THSD7B: variants seen among roughly 807,000 people sequenced by gnomAD.
The protein encoded by THSD7B is thrombospondin type-1 domain-containing protein 7B.
Under a neutral mutation model 213.6 loss-of-function variants are expected in THSD7B, and 138 were observed. That is an observed-to-expected ratio of 0.65 (90% CI 0.56 to 0.74). The LOEUF is 0.74. Among genes scored for constraint, THSD7B ranks in the 30% least tolerant of loss-of-function variants. The pLI is 0.00. For missense variants in THSD7B, 1,931 were observed against 1,991.5 expected (o/e 0.97, Z 0.58); for synonymous variants, 742 against 687.0 (o/e 1.08, Z -1.25).
At chr2:137,025,447 A>G (rs527475382) in intron 2 of THSD7B, among the ~76,000 whole-genome samples, 6 of 152,224 alleles carry the variant, frequency 3.9e-5, no homozygotes, top group African/African-American at 1.4e-4. Flanking sequence ...CACTGTTTGG[A>G]ATCTTATGTG....
intron 14 of THSD7B, among the ~76,000 whole-genome samples, chr2:137,430,991 A>G (rs1448661471): frequency 2.0e-5 from 3 of 152,208 alleles, no homozygotes; most frequent in Non-Finnish European, 4.4e-5. Flanking sequence ...AACAATTATT[A>G]GTGTCGACAA....
Position 137,312,927 on chromosome 2 carries a change from G to C in THSD7B, c.2500+36901G>C, listed in dbSNP as rs561724701. 9.1e-4 allele frequency among the ~76,000 whole-genome samples: 136 copies of C among 149,996 alleles called. 2 individuals are homozygous for C. The South Asian group carries it at 0.014, about 15-fold the overall frequency. Reference sequence around the variant, plus strand: ...TTGCTGAGGAGAGCTTTACTTCCAAGTATGTGGTCAATTTTGGAATAGGTG... The same window carrying C: ...TTGCTGAGGAGAGCTTTACTTCCAACTATGTGGTCAATTTTGGAATAGGTG... On this transcript the variant is annotated intron_variant, in intron 12 of 27. Coordinates refer to ENST00000409968, the MANE Select transcript of THSD7B (RefSeq NM_001316349.2).
intron 12 of THSD7B, among the ~76,000 whole-genome samples, chr2:137,293,887 A>G (rs1023643608): frequency 7.2e-5 from 11 of 152,126 alleles, no homozygotes; most frequent in African/African-American, 2.7e-4. Context: ...TATGTCTTTA[A>G]TATTTTATAA....
At chr2:136,931,731 A>G (rs751919878) in intron 2 of THSD7B, among the ~76,000 whole-genome samples, 18 of 152,310 alleles carry the variant, frequency 1.2e-4, no homozygotes, top group Admixed American at 3.3e-4. Flanking sequence ...ACAGTCCATG[A>G]TACATTCTAC....
intron 15 of THSD7B, among the ~76,000 whole-genome samples, chr2:137,470,414 G>A (rs1688070046): frequency 6.6e-6 from 1 of 152,224 alleles, no homozygotes; most frequent in Non-Finnish European, 1.5e-5. Flanking sequence ...GGGTGGTTGA[G>A]CTCCTCAGCT....
At chr2:137,552,445 C>T (rs1680867676) in intron 15 of THSD7B, among the ~76,000 whole-genome samples, 1 of 152,118 alleles carries the variant, frequency 6.6e-6, no homozygotes, top group Non-Finnish European at 1.5e-5. Context: ...ATTAGCTTCC[C>T]TCAAATTTCA....
chr2:136,881,058 G>A (rs528164409), intron 1 of THSD7B, among the ~76,000 whole-genome samples: 67 of 152,028 alleles, frequency 4.4e-4, no homozygotes, highest in Non-Finnish European at 7.9e-4. Flanking sequence ...AACACAAAAC[G>A]CATTTCAACG....
chr2:137,272,515 CT>C lies in THSD7B; in HGVS notation c.2267-13del. The C allele has an allele frequency of 1.9e-6, 3 of 1,589,018 alleles. No homozygotes were observed. The highest frequency in any genetic ancestry group is 2.6e-6 in the Non-Finnish European group (3 of 1,172,382). ...ACATAAAAGGGCACTATATAATTTT[CT>C]TTTTCCTTTACTTCAGGAAATGCCA... On this transcript the variant is annotated splice_polypyrimidine_tract_variant and intron_variant, in intron 10 of 27. Transcript: ENST00000409968.
chr2:137,394,735 C>G (rs1322411147), intron 12 of THSD7B, among the ~76,000 whole-genome samples: 827 of 118,652 alleles, frequency 7.0e-3, no homozygotes, highest in Admixed American at 0.011. Context: ...GGCATTGAAT[C>G]TGTAAATTAC....
Position 137,543,464 on chromosome 2 carries a change from T to C in THSD7B, c.3139-19757T>C, listed in dbSNP as rs183442954. Among the ~76,000 whole-genome samples, 332 of 151,946 alleles carry C rather than the reference T, an allele frequency of 2.2e-3. 2 individuals are homozygous for C. Among genetic ancestry groups the C allele is most frequent in the Non-Finnish European group, 3.5e-3 (237 of 67,836 alleles). ...GAATTTAGACCACTCCCTCATATCATATGAAGACAGTTATTTAGCTGGATT... is the reference window on the plus strand; with the variant it reads ...GAATTTAGACCACTCCCTCATATCACATGAAGACAGTTATTTAGCTGGATT... On this transcript the variant is annotated intron_variant, in intron 15 of 27. Transcript: ENST00000409968.
chr2:137,398,450 G>C (rs1423898736), intron 12 of THSD7B, among the ~76,000 whole-genome samples: 2 of 151,496 alleles, frequency 1.3e-5, no homozygotes, highest in Non-Finnish European at 2.9e-5. Flanking sequence ...GCCCCTGCTG[G>C]GGGGTGCCTC....
At chr2:137,131,017 T>G (rs1202492309) in intron 5 of THSD7B, among the ~76,000 whole-genome samples, 1 of 149,584 alleles carries the variant, frequency 6.7e-6, no homozygotes, top group Non-Finnish European at 1.5e-5. Flanking sequence ...TGTTCCTATT[T>G]CTCCACATCC....
intron 27 of THSD7B, among the ~76,000 whole-genome samples, chr2:137,669,561 A>G (rs1683519742): frequency 6.6e-6 from 1 of 152,238 alleles, no homozygotes; most frequent in Non-Finnish European, 1.5e-5. Context: ...GGAAGCATTC[A>G]CCACCAGAAA....
intron 7 of THSD7B, among the ~76,000 whole-genome samples, chr2:137,193,897 T>C (rs1316468479): frequency 6.6e-6 from 1 of 151,236 alleles, no homozygotes; most frequent in Non-Finnish European, 1.5e-5. Flanking sequence ...ACTCTGGACT[T>C]TCTCGCTCCT....
chr2:137,209,644 T>C (rs1681058093), intron 7 of THSD7B, among the ~76,000 whole-genome samples: 1 of 152,158 alleles, frequency 6.6e-6, no homozygotes. Context: ...ATTCCAATGA[T>C]GCCTAATAAT....
chr2:137,214,341 A>G (rs1681186370), intron 7 of THSD7B, among the ~76,000 whole-genome samples: 1 of 152,164 alleles, frequency 6.6e-6, no homozygotes, highest in Non-Finnish European at 1.5e-5. Flanking sequence ...TTAAAATGAC[A>G]ACATTAACTC....
At position 137,057,052 on chromosome 2, in the gene THSD7B, G is replaced by T; in HGVS notation, c.772G>T (p.Glu258Ter). The change falls in exon 3 of 28, where the codon GAA (glutamate) becomes TAA (stop). Residue 258 changes from glutamate (E) to a stop codon, truncating the protein, a stop_gained. Transcript: ENST00000409968. LOFTEE classifies it high-confidence loss of function. ...WSKCRLPHLK[E>*]INPSGRTVLD... ...TAAATGCAGACTGCCTCATCTTAAA[G>T]AAATTAATCCAAGCGGAAGAACTGT... The T allele has an allele frequency of 6.2e-7, 1 of 1,613,932 alleles. No individual in the cohort carries two copies. Among genetic ancestry groups the T allele is most frequent in the South Asian group, 1.1e-5 (1 of 91,078 alleles).
intron 12 of THSD7B, among the ~76,000 whole-genome samples, chr2:137,329,863 G>A (rs553353892): frequency 2.0e-5 from 3 of 152,286 alleles, no homozygotes; most frequent in Admixed American, 6.5e-5. Flanking sequence ...TCTAGGGCAC[G>A]TCAGAGACCT....
intron 1 of THSD7B, among the ~76,000 whole-genome samples, chr2:136,791,286 T>C (rs1056331327): frequency 1.3e-5 from 2 of 151,974 alleles, no homozygotes; most frequent in African/African-American, 2.4e-5. Context: ...GGAATAGTTA[T>C]GCAACCATCT....
Sources: gnomAD v4.1 joint callset for allele counts (sites outside exome capture counted in the v4.1 genomes callset) on GRCh38, gnomAD v4.1.1 for gene constraint, MANE v1.5 for transcripts, NCBI Gene and HGNC (gene_info 2026-07-23, HGNC 2026-07-21) for gene names.